Variants in PSD3 observed in about 807,000 individuals in gnomAD.
PSD3 encodes the protein pleckstrin and Sec7 domain containing 3, also known as PH and SEC7 domain-containing protein 3.
In PSD3, 49 loss-of-function variants were observed where a neutral mutation model predicts 105.5. The ratio of observed to expected loss-of-function variants is 0.46; its 90% CI spans 0.37 to 0.59. The LOEUF is 0.59. PSD3 is among the 20% of genes least tolerant of loss of function. PSD3 has a pLI of 0.00. For synonymous variants in PSD3, 557 were observed against 457.8 expected, an observed-to-expected ratio of 1.22 and a Z score of -2.77; for missense variants, 1,561 against 1,263.8, an observed-to-expected ratio of 1.24 and a Z score of -3.57.
intron 1 of PSD3, among the ~76,000 whole-genome samples, chr8:19,034,662 G>A (rs1044311761): frequency 1.3e-5 from 2 of 152,186 alleles, no homozygotes; most frequent in Non-Finnish European, 2.9e-5. Context: ...GTGGCTTAGA[G>A]TGGTTAGGTA....
chr8:18,561,630 T>C (rs1370208753), intron 14 of PSD3, among the ~76,000 whole-genome samples: 2 of 152,234 alleles, frequency 1.3e-5, no homozygotes, highest in Non-Finnish European at 2.9e-5. Flanking sequence ...AAAATTGATA[T>C]AGCAAAACAT....
At chr8:18,723,250 G>T (rs1563200193) in intron 9 of PSD3, among the ~76,000 whole-genome samples, 1 of 152,166 alleles carries the variant, frequency 6.6e-6, no homozygotes, top group Non-Finnish European at 1.5e-5. Flanking sequence ...AAGCCCAGGT[G>T]TAACGATCAA....
chr8:18,681,899 C>T (rs1362303973), intron 9 of PSD3, among the ~76,000 whole-genome samples: 1 of 151,870 alleles, frequency 6.6e-6, no homozygotes, highest in Non-Finnish European at 1.5e-5. Context: ...CTAATCATCT[C>T]TTAAAAACCG....
At chr8:18,971,919 C>G (rs75474361) in intron 1 of PSD3, among the ~76,000 whole-genome samples, 1 of 151,882 alleles carries the variant, frequency 6.6e-6, no homozygotes, top group Non-Finnish European at 1.5e-5. Flanking sequence ...GTAGGAGAAT[C>G]GCTTGAGCCT....
At chr8:18,752,948 A>G (rs1168482948) in intron 9 of PSD3, among the ~76,000 whole-genome samples, 1 of 151,738 alleles carries the variant, frequency 6.6e-6, no homozygotes, top group Admixed American at 6.6e-5. Flanking sequence ...TTGCTCCAGG[A>G]GCAGGAATTC....
intron 11 of PSD3, among the ~76,000 whole-genome samples, chr8:18,623,511 A>G (rs1200036889): frequency 1.3e-5 from 2 of 149,814 alleles, no homozygotes; most frequent in African/African-American, 4.9e-5. Context: ...ATGGTGGTAT[A>G]TGCCTGTAGT....
chr8:18,687,893 G>C (rs1800751096), intron 9 of PSD3, among the ~76,000 whole-genome samples: 1 of 151,934 alleles, frequency 6.6e-6, no homozygotes, highest in Non-Finnish European at 1.5e-5. Flanking sequence ...TCAGCCTCTG[G>C]AGTAGCTGGG....
At chr8:18,923,683 C>T (rs950077885) in intron 2 of PSD3, among the ~76,000 whole-genome samples, 8 of 152,062 alleles carry the variant, frequency 5.3e-5, no homozygotes, top group African/African-American at 1.9e-4. Context: ...TCTAGGTTTG[C>T]GTAAGTACAT....
intron 9 of PSD3, among the ~76,000 whole-genome samples, chr8:18,657,216 G>T (rs1375462544): frequency 6.6e-6 from 1 of 152,170 alleles, no homozygotes; most frequent in Non-Finnish European, 1.5e-5. Context: ...CCTTAACATT[G>T]TCTCATTCAA....
At chr8:18,730,311 G>A (rs1386628268) in intron 9 of PSD3, 1 of 152,192 alleles carries the variant, frequency 6.6e-6, no homozygotes, top group Non-Finnish European at 1.5e-5. Context: ...CTGCTAATAT[G>A]TAAAATGTCT....
At chr8:19,067,934 C>G (rs1050853307) in intron 1 of PSD3, among the ~76,000 whole-genome samples, 1 of 152,172 alleles carries the variant, frequency 6.6e-6, no homozygotes. Flanking sequence ...AACGTGGGAC[C>G]CTTGTGGGTA....
Position 18,632,675 on chromosome 8 carries a change from G to C in PSD3, c.2348C>G (p.Ala783Gly), listed in dbSNP as rs887918550. The C allele has an allele frequency of 1.3e-5, 21 of 1,612,754 alleles. No homozygotes were observed. The highest frequency in any genetic ancestry group is 1.3e-5 in the African/African-American group (1 of 74,912). ...CAAGAATCCACTTTTGTACACAGCA[G>C]CATTTGGATCATGAGGAATGTCCAA... ...PFLDIPHDPN[A>G]AVYKSGFLAR... Residue 783 changes from alanine (A) to glycine (G), a missense_variant, in exon 11 of 16, where the codon GCT becomes GGT. By Grantham distance (60) the Ala-to-Gly change is moderately conservative. Transcript: ENST00000327040.
chr8:18,654,802 A>C (rs1808766529), intron 10 of PSD3, among the ~76,000 whole-genome samples: 1 of 152,188 alleles, frequency 6.6e-6, no homozygotes, highest in South Asian at 2.1e-4. Context: ...TCCCAAGCTT[A>C]TTCCATTCAG....
chr8:18,947,034 A>C (rs1384677939), intron 1 of PSD3, among the ~76,000 whole-genome samples: 1 of 152,106 alleles, frequency 6.6e-6, no homozygotes, highest in African/African-American at 2.4e-5. Flanking sequence ...TGCTTGGGCC[A>C]AAGGGGATGG....
rs185763036 is a variant in PSD3, at chr8:19,026,927, T to C, written c.324+57279A>G. On this transcript the variant is annotated intron_variant, in intron 1 of 1. Transcript: ENST00000521475. ...GAAAGAAAGGAAAATGTTTACTGAA[T>C]GAATGAGTGAGTGAAAGAATTCTCT... 2.3e-3 allele frequency among the ~76,000 whole-genome samples: 340 copies of C among 149,704 alleles called. 1 individual carries two copies. The highest frequency in any genetic ancestry group is 7.9e-3 in the African/African-American group (329 of 41,396).
At chr8:18,811,567 G>T (rs1344047147) in intron 4 of PSD3, among the ~76,000 whole-genome samples, 1 of 152,196 alleles carries the variant, frequency 6.6e-6, no homozygotes, top group Non-Finnish European at 1.5e-5. Context: ...CTAATTTGGG[G>T]ATGAGGGTGG....
rs1257658165 is a variant in PSD3 at position 18,535,869 on chromosome 8, C to T, written c.3018G>A (p.Lys1006=). 5 of 1,614,188 alleles carry T rather than the reference C, an allele frequency of 3.1e-6. No individual in the cohort carries two copies. The highest frequency in any genetic ancestry group is 4.2e-6 in the Non-Finnish European group (5 of 1,180,024). The change falls in exon 16 of 16, where the codon AAG becomes AAA. Residue 1006 remains lysine (K), a synonymous_variant. Transcript: ENST00000327040. ...SNDESEAAGL[K]KSHSSPSLNP... is the part of the protein sequence containing the mutation. ...TCAGCGAAGGACTCGAGTGCGACTTCTTCAGTCCTGCAGCCTCGCTTTCAT... is the reference window on the plus strand; with the variant it reads ...TCAGCGAAGGACTCGAGTGCGACTTTTTCAGTCCTGCAGCCTCGCTTTCAT...
At chr8:19,028,481 G>A (rs1224104440) in intron 1 of PSD3, among the ~76,000 whole-genome samples, 1 of 151,842 alleles carries the variant, frequency 6.6e-6, no homozygotes, top group African/African-American at 2.4e-5. Flanking sequence ...TTGGCTTCCC[G>A]AAGCGCTGGG....
intron 1 of PSD3, among the ~76,000 whole-genome samples, chr8:19,039,247 C>T (rs1474401960): frequency 6.6e-6 from 1 of 152,024 alleles, no homozygotes; most frequent in Non-Finnish European, 1.5e-5. Context: ...TTACTTTTTC[C>T]TGTTTGCCCT....
Sources: gnomAD v4.1 joint callset for allele counts (sites outside exome capture counted in the v4.1 genomes callset) on GRCh38, gnomAD v4.1.1 for gene constraint, MANE v1.5 for transcripts, NCBI Gene and HGNC (gene_info 2026-07-23, HGNC 2026-07-21) for gene names.